SLC39A12: variants seen among roughly 807,000 people sequenced by gnomAD.
SLC39A12 encodes solute carrier family 39 member 12, also known as zinc transporter ZIP12.
A neutral mutation model predicts 71.1 loss-of-function variants in SLC39A12; 63 were observed. That is an observed-to-expected ratio of 0.89 (90% CI 0.72 to 1.09). The LOEUF is 1.09. SLC39A12 is among the 50% of genes least tolerant of loss of function. SLC39A12 has a pLI of 0.00. For synonymous variants in SLC39A12, 351 were observed against 301.3 expected (o/e 1.16, Z -1.71); for missense variants, 892 against 812.6 (o/e 1.10, Z -1.19).
At chr10:17,998,150 G>T (rs1465163835) in intron 10 of SLC39A12, among the ~76,000 whole-genome samples, 1 of 152,112 alleles carries the variant, frequency 6.6e-6, no homozygotes, top group Non-Finnish European at 1.5e-5. Flanking sequence ...ATTACCTTAA[G>T]AAATATACAC....
At chr10:17,982,143 C>A (rs11593695) in intron 6 of SLC39A12, among the ~76,000 whole-genome samples, 28,485 of 152,138 alleles carry the variant, frequency 0.19, 2,816 homozygotes, top group Non-Finnish European at 0.2. Flanking sequence ...ATGCTGGGAG[C>A]TACCAGCCTC....
intron 12 of SLC39A12, among the ~76,000 whole-genome samples, chr10:18,015,130 C>G (rs1836340109): frequency 6.6e-6 from 1 of 152,200 alleles, no homozygotes; most frequent in African/African-American, 2.4e-5. Context: ...AGTAAATTTT[C>G]TTGGAGACAC....
intron 10 of SLC39A12, 35 bp from the exon 11 acceptor site, chr10:18,000,632 G>C (rs1835807034): frequency 1.2e-6 from 2 of 1,610,378 alleles, no homozygotes; most frequent in African/African-American, 2.7e-5. Context: ...GTAGTGCTCT[G>C]TTAATGCTTC....
At position 17,953,186 on chromosome 10, in the gene SLC39A12, C is replaced by G. The variant is rs1228145858; in HGVS notation, c.-86-5C>G. 2 of 1,472,152 alleles carry G rather than the reference C, an allele frequency of 1.4e-6. No individual in the cohort carries two copies. Among genetic ancestry groups the G allele is most frequent in the African/African-American group, 2.8e-5 (2 of 70,662 alleles). The allele number at this position is 1,472,152 out of a possible 1,614,324, so 91.2% of individuals were successfully genotyped here. On this transcript the variant is annotated splice_polypyrimidine_tract_variant and splice_region_variant and intron_variant, in intron 1 of 12. Transcript: ENST00000377369. ...TGAAGGCTTTATTTTTCCCCTTTAC[C>G]ACAGAAATTCCTTTGGTTACAAGTT...
rs527414609 is a variant in SLC39A12 at position 17,986,864 on chromosome 10, G to A, written c.1097-615G>A. Among the ~76,000 whole-genome samples the A allele has an allele frequency of 3.9e-5, 6 of 152,120 alleles. No homozygotes were observed. The South Asian group carries it at 6.2e-4, about 16-fold the overall frequency. On this transcript the variant is annotated intron_variant, in intron 6 of 12. Coordinates refer to ENST00000377369, the MANE Select transcript of SLC39A12 (RefSeq NM_001145195.2). Reference sequence around the variant, plus strand: ...CTACTAAAAATAAAAGCTTAGCCAGGCCTGATGGCACCTGCCCGTAGTCCC... The same window carrying A: ...CTACTAAAAATAAAAGCTTAGCCAGACCTGATGGCACCTGCCCGTAGTCCC...
intron 10 of SLC39A12, among the ~76,000 whole-genome samples, chr10:17,997,136 T>A (rs1042677456): frequency 6.6e-6 from 1 of 152,252 alleles, no homozygotes; most frequent in Admixed American, 6.5e-5. Flanking sequence ...CACATTGTTT[T>A]ATTCATTCAA....
rs12251231 is a variant in SLC39A12 at position 17,983,498 on chromosome 10, C to A, written c.1096+2015C>A. On this transcript the variant is annotated intron_variant, in intron 6 of 12. Coordinates refer to ENST00000377369, the MANE Select transcript of SLC39A12 (RefSeq NM_001145195.2). The stretch of plus-strand genomic sequence containing the variant: ...AGAGACCCTGTCTTAAAAACAAGAA[C>A]CTAGGCCGGGCACAGTGGCTTATGC... 6.1e-3 allele frequency among the ~76,000 whole-genome samples: 926 copies of A among 151,838 alleles called. 11 individuals are homozygous for A. Among genetic ancestry groups the A allele is most frequent in the African/African-American group, 0.021 (886 of 41,404 alleles).
At chr10:17,990,919 C>A (rs35540736) in intron 7 of SLC39A12, among the ~76,000 whole-genome samples, 2 of 151,956 alleles carry the variant, frequency 1.3e-5, no homozygotes, top group Admixed American at 6.5e-5. Flanking sequence ...TCAAAGCTCT[C>A]TTTTGTTTTT....
intron 10 of SLC39A12, among the ~76,000 whole-genome samples, chr10:18,000,213 G>T (rs1835793390): frequency 6.6e-6 from 1 of 152,078 alleles, no homozygotes; most frequent in South Asian, 2.1e-4. Flanking sequence ...CATCCCAAAG[G>T]CCCTACCTCC....
chr10:18,002,625 C>T (rs1589241480), intron 11 of SLC39A12: 1 of 152,252 alleles, frequency 6.6e-6, no homozygotes, highest in East Asian at 1.9e-4. Context: ...TCAATCTTCT[C>T]TTGGAGGGAA....
chr10:18,009,854 A>G (rs1395676221), intron 12 of SLC39A12: 1 of 152,210 alleles, frequency 6.6e-6, no homozygotes, highest in Non-Finnish European at 1.5e-5. Context: ...TGAGTATTCA[A>G]TCTGGTCAAT....
chr10:18,018,118 TGA>T (rs564658324), intron 12 of SLC39A12, among the ~76,000 whole-genome samples: 127 of 152,324 alleles, frequency 8.3e-4, no homozygotes, highest in African/African-American at 2.9e-3. Context: ...GATTTATAAC[TGA>T]GTGTTTCATT....
chr10:17,963,021 T>C (rs540414061), intron 3 of SLC39A12, among the ~76,000 whole-genome samples: 13 of 152,056 alleles, frequency 8.5e-5, no homozygotes, highest in African/African-American at 2.6e-4. Context: ...ATTAGCTGGA[T>C]GTGGTGGCAT....
chr10:18,006,052 A>G (rs893265636), intron 12 of SLC39A12, among the ~76,000 whole-genome samples: 1 of 152,190 alleles, frequency 6.6e-6, no homozygotes, highest in Non-Finnish European at 1.5e-5. Flanking sequence ...AAAGACTCTG[A>G]AACAGTAAAG....
chr10:17,997,574 A>G (rs895213429), intron 10 of SLC39A12, among the ~76,000 whole-genome samples: 1 of 152,150 alleles, frequency 6.6e-6, no homozygotes, highest in South Asian at 2.1e-4. Context: ...TAGATTAGGG[A>G]GTAACGATGG....
intron 1 of SLC39A12, 73 bp from the exon 2 acceptor site, chr10:17,953,118 C>A: frequency 1.1e-6 from 1 of 930,992 alleles, no homozygotes; most frequent in East Asian, 2.5e-5. Flanking sequence ...AGCTTAGCCA[C>A]CCAATTAATG....
chr10:17,983,525 T>C (rs1279472002), intron 6 of SLC39A12, among the ~76,000 whole-genome samples: 1 of 152,090 alleles, frequency 6.6e-6, no homozygotes, highest in Non-Finnish European at 1.5e-5. Flanking sequence ...GGCTTATGCC[T>C]GTAATCCCAG....
intron 4 of SLC39A12, among the ~76,000 whole-genome samples, chr10:17,973,908 T>TAA (rs1835039280): frequency 6.7e-6 from 1 of 148,956 alleles, no homozygotes; most frequent in African/African-American, 2.5e-5. Context: ...TTTTTTTTTT[T>TAA]AATTCTTTTG....
intron 4 of SLC39A12, among the ~76,000 whole-genome samples, chr10:17,976,000 C>T (rs1172452330): frequency 6.6e-6 from 1 of 152,160 alleles, no homozygotes; most frequent in African/African-American, 2.4e-5. Flanking sequence ...CTACTGTCAG[C>T]ACCCAGAGAT....
Sources: gnomAD v4.1 joint callset for allele counts (sites outside exome capture counted in the v4.1 genomes callset) on GRCh38, gnomAD v4.1.1 for gene constraint, MANE v1.5 for transcripts, NCBI Gene and HGNC (gene_info 2026-07-23, HGNC 2026-07-21) for gene names.